USP45: variants seen among roughly 807,000 people sequenced by gnomAD.
USP45 encodes the protein ubiquitin carboxyl-terminal hydrolase 45.
USP45 carries 89 observed loss-of-function variants against 95.8 expected under a neutral mutation model. The ratio of observed to expected loss-of-function variants is 0.93; its 90% CI spans 0.78 to 1.11. USP45 has a LOEUF of 1.11. USP45 is among the 50% of genes least tolerant of loss of function. The pLI is 0.00. For synonymous variants in USP45, 281 were observed against 316.2 expected (o/e 0.89, Z 1.18); for missense variants, 898 against 942.5 (o/e 0.95, Z 0.62).
At chr6:99,514,205 A>T (rs1434960032) in intron 1 of USP45, among the ~76,000 whole-genome samples, 1 of 152,154 alleles carries the variant, frequency 6.6e-6, no homozygotes, top group Non-Finnish European at 1.5e-5. Context: ...AAAAAGACAC[A>T]AGCGGAGTCT....
At chr6:99,510,778 A>G (rs141167598) in intron 1 of USP45, among the ~76,000 whole-genome samples, 1 of 152,342 alleles carries the variant, frequency 6.6e-6, no homozygotes, top group East Asian at 1.9e-4. Flanking sequence ...ATAATTTGCT[A>G]TACCAGGCTG....
chr6:99,516,534 C>T (rs554064795), upstream of USP45, among the ~76,000 whole-genome samples: 2 of 152,276 alleles, frequency 1.3e-5, no homozygotes, highest in African/African-American at 4.8e-5. Context: ...TTGATATTTG[C>T]TTATATCGTA....
At chr6:99,502,358 T>A (rs1797573097) in intron 5 of USP45, among the ~76,000 whole-genome samples, 1 of 152,202 alleles carries the variant, frequency 6.6e-6, no homozygotes, top group Non-Finnish European at 1.5e-5. Context: ...TACAGCACTT[T>A]CCTGAGTTCT....
rs1273353885 is a variant in USP45 at position 99,437,415 on chromosome 6, A to G, written c.2161-16T>C. 1 of 1,570,842 alleles carries G rather than the reference A, an allele frequency of 6.4e-7. No individual in the cohort carries two copies. ...CACTTGCATTCTTTTAAACAAAGAA[A>G]AAAACCCAAATTAGTAATATTTGTT... On this transcript the variant is annotated splice_polypyrimidine_tract_variant and intron_variant, in intron 16 of 17. Transcript: ENST00000500704.
chr6:99,473,509 C>CT (rs1171604817), intron 9 of USP45, among the ~76,000 whole-genome samples: 7 of 152,000 alleles, frequency 4.6e-5, no homozygotes, highest in African/African-American at 1.7e-4. Flanking sequence ...GATCACAACA[C>CT]TGCACTGCAG....
chr6:99,449,085 C>A (rs1783227309), intron 13 of USP45, among the ~76,000 whole-genome samples: 1 of 152,090 alleles, frequency 6.6e-6, no homozygotes, highest in African/African-American at 2.4e-5. Flanking sequence ...ACTGTAAAGA[C>A]CATCAATGCT....
chr6:99,475,079 A>G (rs1007985132), intron 9 of USP45, among the ~76,000 whole-genome samples: 1 of 152,162 alleles, frequency 6.6e-6, no homozygotes, highest in African/African-American at 2.4e-5. Flanking sequence ...TGGAATAATG[A>G]AGTTTCTGTC....
At chr6:99,473,803 A>ACACACACACACACACACACAC (rs1562370224) in intron 9 of USP45, among the ~76,000 whole-genome samples, 85 of 17,206 alleles carry the variant, frequency 4.9e-3, no homozygotes, top group African/African-American at 0.014. Flanking sequence ...CACACACACA[A>ACACACACACACACACACACAC]ATTCACAGAA....
Position 99,482,869 on chromosome 6 carries a change from C to T in USP45, c.729G>A (p.Val243=). The T allele has an allele frequency of 1.3e-6, 2 of 1,553,706 alleles. No individual in the cohort carries two copies. Among genetic ancestry groups the T allele is most frequent in the Non-Finnish European group, 1.7e-6 (2 of 1,152,228 alleles). Reference sequence around the variant, plus strand: ...TCAGTGGTCCAGGCCTTGAAAGTTCCACCACCAATGGGTCCTTTAAAAACA... The same window carrying T: ...TCAGTGGTCCAGGCCTTGAAAGTTCTACCACCAATGGGTCCTTTAAAAACA... ...SSDSQLDPLV[V]ELSRPGPLTS... Residue 243 remains valine (V), a synonymous_variant, in exon 8 of 18, where the codon GTG becomes GTA. Transcript: ENST00000500704.
Position 99,432,623 on chromosome 6 carries a change from C to T in USP45, c.*3093G>A, listed in dbSNP as rs185766582. 14 of 152,078 alleles carry T rather than the reference C, an allele frequency of 9.2e-5. No individual in the cohort carries two copies. The highest frequency in any genetic ancestry group is 1.9e-4 in the East Asian group (1 of 5,166). The allele number at this position is 152,078 out of a possible 1,614,324, so 9.4% of individuals were successfully genotyped here. On this transcript the variant is annotated 3_prime_UTR_variant, in exon 18 of 18. Transcript: ENST00000500704. ...TAAACATTTGAATTCATGATTTCTA[C>T]GTAAACAAAAACATCATAAATATCT...
intron 8 of USP45, 32 bp downstream of exon 8, chr6:99,482,721 T>C: frequency 1.3e-6 from 2 of 1,559,204 alleles, no homozygotes; most frequent in African/African-American, 1.4e-5. Context: ...TTGTAACTCA[T>C]AATTATTTAT....
chr6:99,456,077 G>C (rs1046958382), intron 13 of USP45, among the ~76,000 whole-genome samples: 3 of 142,510 alleles, frequency 2.1e-5, no homozygotes, highest in Non-Finnish European at 3.0e-5. Flanking sequence ...AGCTTGCAGT[G>C]AGCCAAGATC....
chr6:99,499,686 T>G (rs77463629), intron 5 of USP45, among the ~76,000 whole-genome samples: 1 of 152,160 alleles, frequency 6.6e-6, no homozygotes, highest in Admixed American at 6.5e-5. Context: ...CCAGGTGCTA[T>G]TCACGGTTCC....
At chr6:99,436,159 C>G (rs1021920328) in intron 17 of USP45, among the ~76,000 whole-genome samples, 4 of 152,096 alleles carry the variant, frequency 2.6e-5, no homozygotes, top group African/African-American at 9.7e-5. Context: ...CCTAGCCCCC[C>G]TCCCCCGACA....
At chr6:99,468,974 A>T (rs1042461400) in intron 9 of USP45, among the ~76,000 whole-genome samples, 1 of 152,134 alleles carries the variant, frequency 6.6e-6, no homozygotes, top group Admixed American at 6.6e-5. Flanking sequence ...GACACTTCTT[A>T]ATTAGGACCA....
At chr6:99,454,593 G>C (rs538815020) in intron 13 of USP45, among the ~76,000 whole-genome samples, 7 of 152,152 alleles carry the variant, frequency 4.6e-5, no homozygotes, top group Admixed American at 4.6e-4. Flanking sequence ...ACATCCAAAT[G>C]GCCAAGAGGT....
intron 11 of USP45, among the ~76,000 whole-genome samples, chr6:99,466,147 T>C (rs560301496): frequency 6.6e-6 from 1 of 151,974 alleles, no homozygotes; most frequent in South Asian, 2.1e-4. Context: ...TCCCGAGTCA[T>C]TGGGACTATA....
chr6:99,501,809 T>A (rs1797427847), intron 5 of USP45: 2 of 771,266 alleles, frequency 2.6e-6, no homozygotes, highest in Non-Finnish European at 3.5e-6. Context: ...TACTGTTATA[T>A]AATAAAGGAT....
chr6:99,463,959 G>T (rs1787222494), intron 13 of USP45, among the ~76,000 whole-genome samples: 1 of 151,942 alleles, frequency 6.6e-6, no homozygotes, highest in Non-Finnish European at 1.5e-5. Context: ...TATTTATAAT[G>T]AATTAATATT....
Sources: allele counts gnomAD v4.1 joint callset (sites outside exome capture counted in the v4.1 genomes callset), GRCh38; gene constraint gnomAD v4.1.1; transcripts MANE v1.5; gene names NCBI Gene and HGNC (gene_info 2026-07-23, HGNC 2026-07-21).